Variants in NRXN2 observed in about 807,000 individuals in gnomAD.
The protein encoded by NRXN2 is neurexin-2-beta.
NRXN2 carries 29 observed loss-of-function variants against 128.8 expected under a neutral mutation model. The observed-to-expected ratio is 0.23, with a 90% CI of 0.17 to 0.31. NRXN2 has a LOEUF of 0.31. Among genes scored for constraint, NRXN2 ranks in the 10% least tolerant of loss-of-function variants. The pLI, the probability that NRXN2 is intolerant of heterozygous loss-of-function variation, is 1.00. For missense variants in NRXN2, 1,881 were observed against 2,452.6 expected (o/e 0.77, Z 4.92); for synonymous variants, 1,098 against 1,075.2 (o/e 1.02, Z -0.41).
chr11:64,661,479 G>T, intron 9 of NRXN2: 2 of 1,044,184 alleles, frequency 1.9e-6, no homozygotes, highest in Non-Finnish European at 2.5e-6. Flanking sequence ...GAAAGGGTTG[G>T]ATCATTCACT....
Position 64,607,911 on chromosome 11 carries a change from C to T in NRXN2, c.4424G>A (p.Gly1475Asp). Residue 1475 changes from glycine to aspartate, a missense_variant, in exon 23 of 23, where the codon GGC becomes GAC. By Grantham distance (94) the Gly-to-Asp change is moderately conservative (BLOSUM62 -1). Coordinates refer to ENST00000265459, the MANE Select transcript of NRXN2 (RefSeq NM_015080.4). Reference sequence around the variant, plus strand: ...GTCGTCCCGCTCGGCCTGGCACGGGCCCCCAGAGGGCGGGCGGCGCGCGGC... The same window carrying T: ...GTCGTCCCGCTCGGCCTGGCACGGGTCCCCAGAGGGCGGGCGGCGCGCGGC... ...PPAARRPPSGGPCQAERDDSD... is the reference protein window; with the variant it reads ...PPAARRPPSGDPCQAERDDSD... 6 of 1,563,440 alleles carry T rather than the reference C, an allele frequency of 3.8e-6. No individual in the cohort carries two copies. The highest frequency in any genetic ancestry group is 5.2e-6 in the Non-Finnish European group (6 of 1,155,154).
At chr11:64,683,887 G>A (rs1046046396) in intron 6 of NRXN2, among the ~76,000 whole-genome samples, 2 of 152,142 alleles carry the variant, frequency 1.3e-5, no homozygotes, top group Admixed American at 6.5e-5. Context: ...TGCTGAGGCC[G>A]AGTGTCTCCT....
At chr11:64,671,565 CACAGA>C (rs2050637896) in intron 7 of NRXN2, among the ~76,000 whole-genome samples, 1 of 152,010 alleles carries the variant, frequency 6.6e-6, no homozygotes, top group African/African-American at 2.4e-5. Context: ...GGCCGTGCGA[CACAGA>C]ACAGCCACTG....
rs144358137 is a variant in NRXN2 at position 64,641,642 on chromosome 11, G to A, written c.3404-6190C>T. On this transcript the variant is annotated intron_variant, in intron 17 of 22. Coordinates refer to ENST00000265459, the MANE Select transcript of NRXN2 (RefSeq NM_015080.4). ...ATGAAGTGATGGGGGGCCTGAGATG[G>A]GGCTGAGGAAGGACGGAAATGAGAA... Among the ~76,000 whole-genome samples, 351 of 152,044 alleles carry A rather than the reference G, an allele frequency of 2.3e-3. 4 individuals are homozygous for A. Among genetic ancestry groups the A allele is most frequent in the African/African-American group, 8.1e-3 (337 of 41,438 alleles).
In NRXN2 at chr11:64,630,816, TG is replaced by T. The variant is rs550520306; in HGVS notation, c.3586-244del. Among the ~76,000 whole-genome samples the T allele has an allele frequency of 7.2e-4, 109 of 152,296 alleles. No individual in the cohort carries two copies. The highest frequency in any genetic ancestry group is 2.5e-3 in the African/African-American group (104 of 41,568). On this transcript the variant is annotated intron_variant, in intron 18 of 22. Transcript: ENST00000265459. This position sits in a 1 kb window ranked among gnomAD's most constrained non-coding sequence, Gnocchi z 4.6. ...CCTTCCACTAACCACACCTGTCTCT[TG>T]CCTTTTGGTTTGTCCTGGATATTCA...
intron 22 of NRXN2, among the ~76,000 whole-genome samples, chr11:64,609,370 AAAAAG>A (rs1179862724): frequency 2.0e-5 from 3 of 152,158 alleles, no homozygotes; most frequent in South Asian, 2.1e-4. Flanking sequence ...AAGAAAGCAA[AAAAAG>A]AAAAGAAAAT....
chr11:64,649,899 C>G (rs1257860393), intron 15 of NRXN2, among the ~76,000 whole-genome samples: 2 of 151,972 alleles, frequency 1.3e-5, no homozygotes, highest in African/African-American at 4.8e-5. Flanking sequence ...TGGGGGCAGG[C>G]AATGACTGCT....
chr11:64,617,337 C>T (rs978330185), intron 22 of NRXN2, among the ~76,000 whole-genome samples: 1 of 152,146 alleles, frequency 6.6e-6, no homozygotes, highest in African/African-American at 2.4e-5. Flanking sequence ...CTGCACGTCT[C>T]GGGTTGTGCA....
chr11:64,633,609 G>A (rs1196743988), intron 18 of NRXN2, among the ~76,000 whole-genome samples: 1 of 152,120 alleles, frequency 6.6e-6, no homozygotes, highest in Non-Finnish European at 1.5e-5. Context: ...CCGCCACCCA[G>A]AAAGGCAATT....
chr11:64,669,840 A>G (rs2050386792), intron 7 of NRXN2, among the ~76,000 whole-genome samples: 1 of 152,206 alleles, frequency 6.6e-6, no homozygotes, highest in Non-Finnish European at 1.5e-5. Context: ...GTCAACAGGA[A>G]GCTGGCTCAG....
At chr11:64,693,704 A>T (rs1211192863) in intron 3 of NRXN2, among the ~76,000 whole-genome samples, 2 of 152,178 alleles carry the variant, frequency 1.3e-5, no homozygotes, top group Admixed American at 1.3e-4. Flanking sequence ...TCAAGAGGAC[A>T]AAATTAGAGA....
chr11:64,691,646 G>GCCAGCACC (rs2053817608), intron 4 of NRXN2, among the ~76,000 whole-genome samples: 2 of 152,144 alleles, frequency 1.3e-5, no homozygotes, highest in East Asian at 3.9e-4. Flanking sequence ...GGGAGCCACA[G>GCCAGCACC]CCAGCACCCA....
rs1299627532 is a variant in NRXN2, at chr11:64,622,734, A to G, written c.4173+19T>C. 6.2e-7 allele frequency: 1 copy of G among 1,600,322 alleles called. No individual in the cohort carries two copies. Among genetic ancestry groups the G allele is most frequent in the African/African-American group, 1.3e-5 (1 of 74,802 alleles). On this transcript the variant is annotated intron_variant, in intron 21 of 22. Coordinates refer to ENST00000265459, the MANE Select transcript of NRXN2 (RefSeq NM_015080.4). The surrounding 1 kb of genome is among the most constrained non-coding windows in gnomAD (Gnocchi z 4.3). The stretch of plus-strand genomic sequence containing the variant: ...CCACCTATCCCTGCCCTAATCCACC[A>G]GCCAGAGTGGGGCCTCACCTGGGTG...
chr11:64,642,464 G>T, intron 17 of NRXN2: 1 of 1,512,346 alleles, frequency 6.6e-7, no homozygotes, highest in Non-Finnish European at 8.8e-7. Flanking sequence ...GGCCCGCGGG[G>T]GCCCAGCTGC....
chr11:64,645,743 G>T (rs1191640274), intron 17 of NRXN2, among the ~76,000 whole-genome samples: 1 of 152,112 alleles, frequency 6.6e-6, no homozygotes, highest in Non-Finnish European at 1.5e-5. Context: ...GGGAAAAGTT[G>T]TTCTGAAGGT....
In NRXN2 at chr11:64,607,161, A is replaced by C; in HGVS notation, c.*35T>G. 1 of 1,601,288 alleles carries C rather than the reference A, an allele frequency of 6.2e-7. No individual in the cohort carries two copies. Among genetic ancestry groups the C allele is most frequent in the Non-Finnish European group, 8.5e-7 (1 of 1,172,152 alleles). On this transcript the variant is annotated 3_prime_UTR_variant, in exon 23 of 23. Transcript: ENST00000265459. ...CACCCTCCTCCCGGGCCCTCCCAGG[A>C]GGGGCAGCTGGCAGTGGGGCGCAGT...
chr11:64,715,331 GAGACTC>G (rs1195341392), intron 1 of NRXN2, among the ~76,000 whole-genome samples: 1 of 152,178 alleles, frequency 6.6e-6, no homozygotes, highest in African/African-American at 2.4e-5. Flanking sequence ...GCGGGGAACT[GAGACTC>G]AGATCCAAGT....
intron 7 of NRXN2, among the ~76,000 whole-genome samples, chr11:64,674,181 C>T (rs1185275704): frequency 2.0e-5 from 3 of 151,876 alleles, no homozygotes; most frequent in Non-Finnish European, 4.4e-5. Flanking sequence ...TGGCTTCTTC[C>T]TTTTTTTGTT....
Position 64,607,840 on chromosome 11 carries a change from C to T in NRXN2, c.4495G>A (p.Glu1499Lys), listed in dbSNP as rs773400678. The T allele has an allele frequency of 6.2e-7, 1 of 1,600,376 alleles. No individual in the cohort carries two copies. Among genetic ancestry groups the T allele is most frequent in the Non-Finnish European group, 8.5e-7 (1 of 1,174,120 alleles). ...GGGGGGAGGCTGGAGTCAAAGACCT[C>T]CCCGGAGGCGAAGCCCGAGGCCTCG... Reference protein sequence around the residue: ...PIEASGFASGEVFDSSLPPTD... With the variant: ...PIEASGFASGKVFDSSLPPTD... The change falls in exon 23 of 23, where the codon GAG becomes AAG. Residue 1499 changes from glutamate (E) to lysine (K), a missense_variant. Physicochemically the swap from Glu to Lys is moderately conservative, Grantham distance 56 (BLOSUM62 1). Transcript: ENST00000265459.
Sources: allele counts gnomAD v4.1 joint callset (sites outside exome capture counted in the v4.1 genomes callset), GRCh38; gene constraint gnomAD v4.1.1; non-coding constraint Gnocchi (gnomAD v3.1); transcripts MANE v1.5; gene names NCBI Gene and HGNC (gene_info 2026-07-23, HGNC 2026-07-21).